ZFP64: variants seen among roughly 807,000 people sequenced by gnomAD.
ZFP64 encodes the protein ZFP64 zinc finger protein, also known as zinc finger protein 64.
ZFP64 carries 14 observed loss-of-function variants against 51.6 expected under a neutral mutation model. That is an observed-to-expected ratio of 0.27 (90% confidence interval 0.18 to 0.42). The LOEUF is 0.42. Among genes scored for constraint, ZFP64 ranks in the 10% least tolerant of loss-of-function variants. The pLI is 1.00. For synonymous variants in ZFP64, 375 were observed against 361.4 expected (o/e 1.04, Z -0.43); for missense variants, 754 against 906.8 (o/e 0.83, Z 2.16).
intron 5 of ZFP64, among the ~76,000 whole-genome samples, chr20:52,132,340 A>C (rs1979760181): frequency 6.6e-6 from 1 of 152,122 alleles, no homozygotes; most frequent in African/African-American, 2.4e-5. Flanking sequence ...CCAAACCCAA[A>C]ATTAGTAGAA....
chr20:52,151,232 T>A (rs1980775882), downstream of ZFP64: 1 of 985,380 alleles, frequency 1.0e-6, no homozygotes, highest in African/African-American at 1.7e-5. Flanking sequence ...TCACGCCCCA[T>A]CATTCCCAAA....
intron 3 of ZFP64, 66 bp from the exon 4 acceptor site, chr20:52,164,823 G>A: frequency 7.5e-7 from 1 of 1,337,042 alleles, no homozygotes; most frequent in Non-Finnish European, 1.1e-6. Context: ...GGAGAAAACT[G>A]GTAGAAACAT....
chr20:52,172,624 G>A (rs560897962), intron 2 of ZFP64, among the ~76,000 whole-genome samples: 1 of 152,070 alleles, frequency 6.6e-6, no homozygotes, highest in African/African-American at 2.4e-5. Context: ...TCCAGTAGAG[G>A]CGTGACTTGC....
chr20:52,160,387 A>G lies in ZFP64; in HGVS notation c.512-13T>C. The stretch of plus-strand genomic sequence containing the variant: ...TGGGGTTTGTCTCCTTCAAACACAT[A>G]CACACACAGATGGCAGCAGGAAACA... On this transcript the variant is annotated splice_polypyrimidine_tract_variant and intron_variant, in intron 4 of 5. Transcript: ENST00000216923. This position sits in a 1 kb window ranked among gnomAD's most constrained non-coding sequence, Gnocchi z 4.2. The G allele has an allele frequency of 1.3e-6, 2 of 1,594,734 alleles. No homozygotes were observed. Among genetic ancestry groups the G allele is most frequent in the Non-Finnish European group, 8.6e-7 (1 of 1,167,978 alleles).
chr20:52,153,187 G>T lies in ZFP64; in HGVS notation c.1005C>A (p.Arg335=). 6.2e-7 allele frequency: 1 copy of T among 1,614,200 alleles called. No individual in the cohort carries two copies. The highest frequency in any genetic ancestry group is 8.5e-7 in the Non-Finnish European group (1 of 1,180,026). The change falls in exon 6 of 6, where the codon CGC becomes CGA. Residue 335 remains arginine, a synonymous_variant. Coordinates refer to ENST00000216923, the MANE Select transcript of ZFP64 (RefSeq NM_018197.3). This position sits in a 1 kb window ranked among gnomAD's most constrained non-coding sequence, Gnocchi z 5.1. The stretch of plus-strand genomic sequence containing the variant: ...TCTCAGGATGCTCCGACTGGTGCAC[G>T]CGGCTGTGCTTCCGGAGGGTGGCTT... The part of the protein sequence containing the change: ...DSKATLRKHS[R]VHQSEHPEKC...
Position 52,102,576 on chromosome 20 carries a change from TAGAAG to T in ZFP64, c.764-3994_764-3990del, listed in dbSNP as rs775888357. On this transcript the variant is annotated intron_variant, in intron 5 of 8. Coordinates refer to the ZFP64 transcript ENST00000361387. ...CCTCATTACATAGCAACTCACATAC[TAGAAG>T]AGAAAACCATTAAACTCTTGAGGGT... Among the ~76,000 whole-genome samples, 5 of 152,078 alleles carry T rather than the reference TAGAAG, an allele frequency of 3.3e-5. No homozygotes were observed. In the South Asian group the frequency reaches 8.3e-4, roughly 25 times the overall value.
intron 2 of ZFP64, chr20:52,175,856 C>CCCCCGG: frequency 7.3e-6 from 2 of 274,106 alleles, no homozygotes; most frequent in Non-Finnish European, 1.1e-5. Context: ...CCCCGCACCC[C>CCCCCGG]CGCTGCCGCC....
chr20:52,177,720 C>G (rs1983333494), intron 2 of ZFP64, among the ~76,000 whole-genome samples: 1 of 152,058 alleles, frequency 6.6e-6, no homozygotes, highest in East Asian at 1.9e-4. Flanking sequence ...GTTGTGCACA[C>G]TTTTAGTTTG....
chr20:52,140,424 C>T (rs1010006977), intron 5 of ZFP64, among the ~76,000 whole-genome samples: 1 of 152,186 alleles, frequency 6.6e-6, no homozygotes, highest in East Asian at 1.9e-4. Context: ...TTCCAGTGAA[C>T]AAATGAATGA....
At chr20:52,099,004 C>CAAA (rs2079022570) in intron 5 of ZFP64, among the ~76,000 whole-genome samples, 2 of 63,752 alleles carry the variant, frequency 3.1e-5, no homozygotes, top group African/African-American at 7.0e-5. Context: ...TCTGTCTTTA[C>CAAA]CAAAAAAAAA....
At chr20:52,125,089 C>T (rs1979385514) in intron 5 of ZFP64, among the ~76,000 whole-genome samples, 1 of 152,164 alleles carries the variant, frequency 6.6e-6, no homozygotes, top group African/African-American at 2.4e-5. Flanking sequence ...TTTACAAGGG[C>T]AAGGGCTGAG....
rs1600775539 is a variant in ZFP64, at chr20:52,160,638, G to T, written c.512-264C>A. On this transcript the variant is annotated intron_variant, in intron 4 of 5. Coordinates refer to ENST00000216923, the MANE Select transcript of ZFP64 (RefSeq NM_018197.3). This position sits in a 1 kb window ranked among gnomAD's most constrained non-coding sequence, Gnocchi z 4.2. Reference sequence around the variant, plus strand: ...ATTTTTTATAAATTAAAAATAGAAGGCAATTAAAATTTTAAAGTATAGGTA... The same window carrying T: ...ATTTTTTATAAATTAAAAATAGAAGTCAATTAAAATTTTAAAGTATAGGTA... 6.6e-6 allele frequency among the ~76,000 whole-genome samples: 1 copy of T among 152,162 alleles called. No individual in the cohort carries two copies. Among genetic ancestry groups the T allele is most frequent in the Middle Eastern group, 3.4e-3 (1 of 294 alleles).
chr20:52,092,343 A>G (rs765212093), intron 7 of ZFP64, among the ~76,000 whole-genome samples: 1 of 151,892 alleles, frequency 6.6e-6, no homozygotes, highest in Non-Finnish European at 1.5e-5. Flanking sequence ...AGTTGTAACA[A>G]TCGAAGATGT....
chr20:52,154,377 C>T (rs1363120325), intron 5 of ZFP64, among the ~76,000 whole-genome samples: 1 of 152,134 alleles, frequency 6.6e-6, no homozygotes, highest in Non-Finnish European at 1.5e-5. Context: ...GAGACCCAGA[C>T]AGACTACATA....
At chr20:52,176,837 C>T (rs1339924048) in intron 2 of ZFP64, among the ~76,000 whole-genome samples, 1 of 152,200 alleles carries the variant, frequency 6.6e-6, no homozygotes, top group Non-Finnish European at 1.5e-5. Context: ...GATCCAGCTG[C>T]GTGCCTGCCT....
At chr20:52,148,085 T>A (rs1980611788), downstream of ZFP64, among the ~76,000 whole-genome samples, 1 of 152,206 alleles carries the variant, frequency 6.6e-6, no homozygotes, top group Non-Finnish European at 1.5e-5. Flanking sequence ...GTGGGGGTGG[T>A]TTAGGTACTG....
intron 5 of ZFP64, among the ~76,000 whole-genome samples, chr20:52,100,805 G>A (rs981282073): frequency 2.7e-5 from 4 of 150,306 alleles, no homozygotes; most frequent in African/African-American, 1.0e-4. Flanking sequence ...GTTTGCAAAA[G>A]GAGATTACAT....
intron 2 of ZFP64, chr20:52,175,872 C>G (rs1281840989): frequency 2.2e-6 from 2 of 925,554 alleles, no homozygotes; most frequent in Non-Finnish European, 2.6e-6. Flanking sequence ...CCGCCCCCGC[C>G]CCCAAAATAA....
rs143139128 is a variant in ZFP64 at position 52,143,589 on chromosome 20, G to A, written c.763+16534C>T. Among the ~76,000 whole-genome samples, 17 of 141,046 alleles carry A rather than the reference G, an allele frequency of 1.2e-4. 4 individuals carry two copies. Among genetic ancestry groups the A allele is most frequent in the Middle Eastern group, 3.8e-3 (1 of 262 alleles). 92.5% of individuals were successfully genotyped at this position (141,046 alleles called of 152,430 possible). On this transcript the variant is annotated intron_variant, in intron 5 of 8. Transcript: ENST00000361387. Reference sequence around the variant, plus strand: ...CACTCTGTCACCAAGGCTAGAGTGCGGTGGCACATGATCACAGCTCACTGC... The same window carrying A: ...CACTCTGTCACCAAGGCTAGAGTGCAGTGGCACATGATCACAGCTCACTGC...
Sources: allele counts gnomAD v4.1 joint callset (sites outside exome capture counted in the v4.1 genomes callset), GRCh38; gene constraint gnomAD v4.1.1; non-coding constraint Gnocchi (gnomAD v3.1); transcripts MANE v1.5; gene names NCBI Gene and HGNC (gene_info 2026-07-23, HGNC 2026-07-21).